Variants in GSDME observed in about 807,000 individuals in gnomAD.
GSDME encodes gasdermin-E.
GSDME carries 44 observed loss-of-function variants against 47.5 expected under a neutral mutation model. The ratio of observed to expected loss-of-function variants is 0.93; its 90% CI spans 0.73 to 1.19. The LOEUF is 1.19. Ranked by LOEUF, GSDME falls within the 50% of genes most tolerant of loss-of-function variation. GSDME has a pLI of 0.00. For synonymous variants in GSDME, 258 were observed against 252.8 expected, an observed-to-expected ratio of 1.02 and a Z score of -0.20; for missense variants, 663 against 604.2, an observed-to-expected ratio of 1.10 and a Z score of -1.02.
At chr7:24,706,403 A>T (rs2269812) in intron 7 of GSDME, 27 bp from the exon 8 acceptor site, 1 of 1,605,590 alleles carries the variant, frequency 6.2e-7, no homozygotes, top group Non-Finnish European at 8.5e-7. Context: ...AAGAAGGGTC[A>T]TGACACAGCT....
At chr7:24,719,015 C>T (rs373246427) in intron 4 of GSDME, 32 bp downstream of exon 4, 13 of 1,610,450 alleles carry the variant, frequency 8.1e-6, no homozygotes, top group Admixed American at 3.3e-5. Context: ...GACTGCTCAG[C>T]CATGAACGCA....
intron 8 of GSDME, chr7:24,704,025 C>A (rs1788992929): frequency 6.6e-6 from 1 of 152,158 alleles, no homozygotes; most frequent in African/African-American, 2.4e-5. Context: ...CCCATATTAC[C>A]CATTTAGCTG....
At chr7:24,729,915 G>T (rs116587513) in intron 3 of GSDME, among the ~76,000 whole-genome samples, 2 of 152,186 alleles carry the variant, frequency 1.3e-5, no homozygotes, top group African/African-American at 4.8e-5. Flanking sequence ...GTAAGAGATG[G>T]TTGGTGGAGG....
rs1265344919 is a variant in GSDME at position 24,699,256 on chromosome 7, G to A, written c.1261C>T (p.Arg421Cys). 10 of 1,605,790 alleles carry A rather than the reference G, an allele frequency of 6.2e-6. No individual in the cohort carries two copies. Among genetic ancestry groups the A allele is most frequent in the African/African-American group, 1.3e-5 (1 of 74,826 alleles). ...QIIPTLCHLL[R>C]ALSDDGVSDL... is the part of the protein sequence containing the mutation. Reference sequence around the variant, plus strand: ...GATACTCCATCATCAGACAGAGCACGAAGCTGAAATGACACATTTAAACAA... The same window carrying A: ...GATACTCCATCATCAGACAGAGCACAAAGCTGAAATGACACATTTAAACAA... Residue 421 changes from arginine to cysteine, a missense_variant, in exon 10 of 10, where the codon CGT becomes TGT. Arg to Cys is a radical substitution (Grantham distance 180, BLOSUM62 -3). Coordinates refer to ENST00000645220, the MANE Select transcript of GSDME (RefSeq NM_001127453.2).
At chr7:24,703,266 G>C in intron 8 of GSDME, 1 of 329,408 alleles carries the variant, frequency 3.0e-6, no homozygotes, top group Non-Finnish European at 5.9e-6. Context: ...TTTTGCATAT[G>C]TCAGAATACT....
At chr7:24,776,393 GA>G in the GSDME span, among the ~76,000 whole-genome samples, 13 of 151,962 alleles carry the variant, frequency 8.6e-5, no homozygotes, top group Non-Finnish European at 1.8e-4. Flanking sequence ...TTTTATTTTG[GA>G]AAAACATCAA....
chr7:24,753,271 AC>A (rs1790913363), intron 1 of GSDME, among the ~76,000 whole-genome samples: 1 of 151,534 alleles, frequency 6.6e-6, no homozygotes, highest in South Asian at 2.1e-4. Flanking sequence ...CAACCCTTTC[AC>A]TCCTCTCCCC....
At chr7:24,734,739 A>G (rs1790248034) in intron 3 of GSDME, among the ~76,000 whole-genome samples, 1 of 152,160 alleles carries the variant, frequency 6.6e-6, no homozygotes, top group South Asian at 2.1e-4. Flanking sequence ...ATTTTTGAAA[A>G]TACATCAGAG....
rs2721812 is a variant in GSDME at position 24,712,899 on chromosome 7, T to A, written c.698-2511A>T. ...CGGGCATAGTGGTGCACACCTGTAA[T>A]CCCAGTTACTCAGGAGGCTGAGGCA... On this transcript the variant is annotated intron_variant, in intron 5 of 9. Coordinates refer to ENST00000645220, the MANE Select transcript of GSDME (RefSeq NM_001127453.2). This position sits in a 1 kb window ranked among gnomAD's most constrained non-coding sequence, Gnocchi z 4.4. 0.23 allele frequency among the ~76,000 whole-genome samples: 35,367 copies of A among 151,796 alleles called. 5,339 individuals carry two copies. The highest frequency in any genetic ancestry group is 0.41 in the African/African-American group (17,013 of 41,324).
chr7:24,791,220 T>C, the GSDME span, among the ~76,000 whole-genome samples: 1 of 140,878 alleles, frequency 7.1e-6, no homozygotes, highest in African/African-American at 2.6e-5. This position sits in a 1 kb window ranked among gnomAD's most constrained non-coding sequence, Gnocchi z 4.8. Context: ...AGGGCTATGT[T>C]CTAATCCTTG....
chr7:24,702,278 G>C (rs1160030126), intron 9 of GSDME: 1 of 234,262 alleles, frequency 4.3e-6, no homozygotes, highest in Non-Finnish European at 8.4e-6. Flanking sequence ...GACATTTCCA[G>C]AGGGGGCACC....
intron 9 of GSDME, among the ~76,000 whole-genome samples, chr7:24,700,090 C>G (rs1788802340): frequency 6.6e-6 from 1 of 152,020 alleles, no homozygotes; most frequent in African/African-American, 2.4e-5. Context: ...CCCCCAGCCC[C>G]AGAACTCAGC....
upstream of GSDME, among the ~76,000 whole-genome samples, chr7:24,760,199 C>T (rs898171986): frequency 3.5e-4 from 53 of 152,194 alleles, no homozygotes; most frequent in African/African-American, 1.3e-3. This position sits in a 1 kb window ranked among gnomAD's most constrained non-coding sequence, Gnocchi z 4.2. Flanking sequence ...GTATTTCCTA[C>T]CCTATGCCTA....
At chr7:24,722,912 C>T (rs1273115414) in intron 3 of GSDME, among the ~76,000 whole-genome samples, 1 of 152,202 alleles carries the variant, frequency 6.6e-6, no homozygotes, top group Non-Finnish European at 1.5e-5. Flanking sequence ...GCGGACCCAC[C>T]ACAGCGCAGG....
In GSDME at chr7:24,757,029, G is replaced by A. The variant is rs555175918; in HGVS notation, c.-20+367C>T. On this transcript the variant is annotated intron_variant, in intron 1 of 9. Transcript: ENST00000645220. The surrounding 1 kb of genome is among the most constrained non-coding windows in gnomAD (Gnocchi z 5.9). ...AACACAAAGGATGAACGAATGGGGA[G>A]GGGGGGTTTGGGGGGTTGGGAGAAC... Among the ~76,000 whole-genome samples, 1 of 152,228 alleles carries A rather than the reference G, an allele frequency of 6.6e-6. No homozygotes were observed. Among genetic ancestry groups the A allele is most frequent in the South Asian group, 2.1e-4 (1 of 4,822 alleles).
chr7:24,765,662 T>C, the GSDME span, among the ~76,000 whole-genome samples: 461 of 152,380 alleles, frequency 3.0e-3, 2 homozygotes, highest in Admixed American at 8.8e-3. Flanking sequence ...ATTCTGGTTC[T>C]GGGAGCTGCC....
At chr7:24,718,713 G>GC (rs1789661458) in intron 4 of GSDME, among the ~76,000 whole-genome samples, 1 of 152,140 alleles carries the variant, frequency 6.6e-6, no homozygotes, top group Non-Finnish European at 1.5e-5. Context: ...CCAGTCCTAG[G>GC]CCCCCCTCAC....
In GSDME at chr7:24,739,483, CTGA is replaced by C. The variant is rs1309884569; in HGVS notation, c.404+5076_404+5078del. On this transcript the variant is annotated intron_variant, in intron 3 of 9. Transcript: ENST00000645220. This position sits in a 1 kb window ranked among gnomAD's most constrained non-coding sequence, Gnocchi z 5.1. Reference sequence around the variant, plus strand: ...TCCAAAAGACAGGCAATAAAAACTGCTGATAAGAATGTGGAAAAAAAGGGAATG... The same window carrying C: ...TCCAAAAGACAGGCAATAAAAACTGCTAAGAATGTGGAAAAAAAGGGAATG... Among the ~76,000 whole-genome samples the C allele has an allele frequency of 6.6e-6, 1 of 152,068 alleles. No homozygotes were observed. Among genetic ancestry groups the C allele is most frequent in the African/African-American group, 2.4e-5 (1 of 41,414 alleles).
the GSDME span, among the ~76,000 whole-genome samples, chr7:24,770,208 C>CA: frequency 6.6e-6 from 1 of 152,320 alleles, no homozygotes; most frequent in East Asian, 1.9e-4. The surrounding 1 kb of genome is among the most constrained non-coding windows in gnomAD (Gnocchi z 4.6). Context: ...ATGGAACCTC[C>CA]ATAAACACTC....
Sources: allele counts gnomAD v4.1 joint callset (sites outside exome capture counted in the v4.1 genomes callset), GRCh38; gene constraint gnomAD v4.1.1; non-coding constraint Gnocchi (gnomAD v3.1); transcripts MANE v1.5; gene names NCBI Gene and HGNC (gene_info 2026-07-23, HGNC 2026-07-21).